The following PSTK variants were observed in gnomAD, a reference collection of about 807,000 sequenced individuals.
The protein encoded by PSTK is L-seryl-tRNA(Sec) kinase.
A neutral mutation model predicts 38.6 loss-of-function variants in PSTK; 26 were observed. That is an observed-to-expected ratio of 0.67 (90% CI 0.49 to 0.94). The LOEUF is 0.94. Ranked by LOEUF, PSTK falls within the 40% of genes least tolerant of loss-of-function variation. The pLI is 0.00. For synonymous variants in PSTK, 181 were observed against 161.7 expected (o/e 1.12, Z -0.91); for missense variants, 445 against 436.3 (o/e 1.02, Z -0.18).
intron 3 of PSTK, 31 bp downstream of exon 3, chr10:122,983,501 C>G: frequency 6.3e-7 from 1 of 1,578,946 alleles, no homozygotes; most frequent in Non-Finnish European, 8.7e-7. Context: ...TCCCTGGATG[C>G]TCCCCTGTGC....
rs1384490298 is a variant in PSTK at position 122,980,517 on chromosome 10, A to T, written c.38A>T (p.Asp13Val). 3 of 1,608,532 alleles carry T rather than the reference A, an allele frequency of 1.9e-6. No individual in the cohort carries two copies. The highest frequency in any genetic ancestry group is 2.5e-6 in the Non-Finnish European group (3 of 1,179,000). Residue 13 changes from aspartate (D) to valine (V), a missense_variant, in exon 1 of 6, where the codon GAC becomes GTC. By Grantham distance (152) the Asp-to-Val change is radical (BLOSUM62 -3). Transcript: ENST00000406217. This position sits in a 1 kb window ranked among gnomAD's most constrained non-coding sequence, Gnocchi z 4.3. ...GAGAACATCAGAGGAACCGGCAGCG[A>T]CGGGCCGCGGAAACGAGGCCTCTGC... ...TAENIRGTGS[D>V]GPRKRGLCVL...
In PSTK at chr10:122,982,913, T is replaced by C. The variant is rs1159797359; in HGVS notation, c.397T>C (p.Ser133Pro). Reference sequence around the variant, plus strand: ...ATTTTCTGCAGCATTTGAGGCCCAGTCTTGCTACCTCTTAACAAAAACTGC... The same window carrying C: ...ATTTTCTGCAGCATTTGAGGCCCAGCCTTGCTACCTCTTAACAAAAACTGC... ...LIFSAAFEAQ[S>P]CYLLTKTAVS... The change falls in exon 2 of 6, where the codon TCT (serine) becomes CCT (proline). Residue 133 changes from serine to proline, a missense_variant. Ser to Pro is a moderately conservative substitution (Grantham distance 74). Coordinates refer to ENST00000406217, the MANE Select transcript of PSTK (RefSeq NM_001363531.2). 3 of 1,614,122 alleles carry C rather than the reference T, an allele frequency of 1.9e-6. No homozygotes were observed. The African/African-American group carries it at 4.0e-5, about 22-fold the overall frequency.
rs773920068 is a variant in PSTK at position 122,980,610 on chromosome 10, A to G, written c.131A>G (p.Gln44Arg). ...CGCGCCCTCGCCCACCGGCTGCAGC[A>G]GGAGCAGGGTTGGGCCATCGGTGTT... ...FARALAHRLQ[Q>R]EQGWAIGVVA... Residue 44 changes from glutamine (Q) to arginine (R), a missense_variant, in exon 1 of 6, where the codon CAG becomes CGG. Gln to Arg is a conservative substitution (Grantham distance 43). Transcript: ENST00000406217. This position sits in a 1 kb window ranked among gnomAD's most constrained non-coding sequence, Gnocchi z 4.3. 6.2e-6 allele frequency: 10 copies of G among 1,612,088 alleles called. No homozygotes were observed. The South Asian group carries it at 8.8e-5, about 14-fold the overall frequency.
Position 122,982,997 on chromosome 10 carries a change from T to A in PSTK, c.481T>A (p.Tyr161Asn). The A allele has an allele frequency of 6.2e-7, 1 of 1,613,230 alleles. No individual in the cohort carries two copies. The highest frequency in any genetic ancestry group is 8.5e-7 in the Non-Finnish European group (1 of 1,179,374). Residue 161 changes from tyrosine to asparagine, a missense_variant, in exon 2 of 6, where the codon TAT (tyrosine) becomes AAT (asparagine). Physicochemically the swap from Tyr to Asn is moderately radical, Grantham distance 143 (BLOSUM62 -2). Coordinates refer to ENST00000406217, the MANE Select transcript of PSTK (RefSeq NM_001363531.2). ...DDNFYYQSMR[Y>N]EVYQLARKYS... is the part of the protein sequence containing the mutation. ...CAATTTTTATTATCAGAGTATGAGA[T>A]ATGAAGTCTACCAGCTGGCTCGGAA... is the stretch of plus-strand genomic sequence containing the variant.
chr10:122,989,657 A>G (rs1371516725), intron 5 of PSTK, among the ~76,000 whole-genome samples: 1 of 152,258 alleles, frequency 6.6e-6, no homozygotes, highest in African/African-American at 2.4e-5. Context: ...GGTAAACTGT[A>G]TGTGAATTAT....
chr10:122,983,081 A>G, intron 2 of PSTK, 57 bp downstream of exon 2: 1 of 1,441,922 alleles, frequency 6.9e-7, no homozygotes, highest in Non-Finnish European at 9.5e-7. Flanking sequence ...TATCAAAAAC[A>G]CTATTGTCTT....
At position 122,980,762 on chromosome 10, in the gene PSTK, A is replaced by C. The variant is rs1482105321; in HGVS notation, c.216+67A>C. 34 of 1,107,430 alleles carry C rather than the reference A, an allele frequency of 3.1e-5. No individual in the cohort carries two copies. Among genetic ancestry groups the C allele is most frequent in the Non-Finnish European group, 3.9e-5 (34 of 875,832 alleles). The allele number at this position is 1,107,430 out of a possible 1,614,324, so 68.6% of individuals were successfully genotyped here. A position where few individuals can be genotyped will look rare whatever the true frequency, so the allele number is the denominator to read the frequency against. On this transcript the variant is annotated intron_variant, in intron 1 of 5. Transcript: ENST00000406217. This position sits in a 1 kb window ranked among gnomAD's most constrained non-coding sequence, Gnocchi z 4.3. ...GGGCGGGGCGGGGCGGGGCGGGGAC[A>C]CTCGCGTCCACGCGGTCCTGGGTGA...
At chr10:122,986,211 A>T in intron 3 of PSTK, 89 bp from the exon 4 acceptor site, 1 of 697,030 alleles carries the variant, frequency 1.4e-6, no homozygotes, top group Non-Finnish European at 2.3e-6. Context: ...ACAGAGCAAG[A>T]CTCCAGGACT....
chr10:122,983,650 A>G (rs1848996866), intron 3 of PSTK, 180 bp downstream of exon 3: 3 of 597,030 alleles, frequency 5.0e-6, no homozygotes, highest in Non-Finnish European at 8.8e-6. Context: ...ATTTGAACCC[A>G]AGTTTATTTG....
chr10:122,980,516 G>A lies in PSTK; in HGVS notation c.37G>A (p.Asp13Asn), dbSNP rs373258080. Residue 13 changes from aspartate to asparagine, a missense_variant, in exon 1 of 6, where the codon GAC (aspartate) becomes AAC (asparagine). Transcript: ENST00000406217. The surrounding 1 kb of genome is among the most constrained non-coding windows in gnomAD (Gnocchi z 4.3). ...TAENIRGTGS[D>N]GPRKRGLCVL... is the part of the protein sequence containing the mutation. ...CGAGAACATCAGAGGAACCGGCAGC[G>A]ACGGGCCGCGGAAACGAGGCCTCTG... is the stretch of plus-strand genomic sequence containing the variant. 1.7e-5 allele frequency: 27 copies of A among 1,608,556 alleles called. No homozygotes were observed. Among genetic ancestry groups the A allele is most frequent in the Admixed American group, 5.0e-5 (3 of 59,884 alleles).
intron 5 of PSTK, among the ~76,000 whole-genome samples, chr10:122,988,620 A>G (rs1849067369): frequency 6.6e-6 from 1 of 152,232 alleles, no homozygotes; most frequent in Non-Finnish European, 1.5e-5. Context: ...TAAAAGGGCA[A>G]AGGATCTGAG....
At chr10:122,986,462 A>G (rs201460370) in intron 4 of PSTK, 87 bp downstream of exon 4, 41 of 962,816 alleles carry the variant, frequency 4.3e-5, no homozygotes, top group Non-Finnish European at 6.3e-5. Context: ...AATGTGAGTG[A>G]AACGGGAGAT....
rs1564728985 is a variant in PSTK, at chr10:122,980,450, TCC to T, written c.-28_-27del. ...GCAGACGGTAGAGCGGAGACGACGC[TCC>T]CAGACTCCTCCGGTCTCCCCGGGCA... is the stretch of plus-strand genomic sequence containing the variant. On this transcript the variant is annotated 5_prime_UTR_variant, in exon 1 of 6. Coordinates refer to ENST00000406217, the MANE Select transcript of PSTK (RefSeq NM_001363531.2). The surrounding 1 kb of genome is among the most constrained non-coding windows in gnomAD (Gnocchi z 4.3). 1 of 1,560,762 alleles carries T rather than the reference TCC, an allele frequency of 6.4e-7. No homozygotes were observed. Among genetic ancestry groups the T allele is most frequent in the Non-Finnish European group, 8.6e-7 (1 of 1,157,066 alleles).
chr10:122,987,416 A>G (rs1564731685), intron 5 of PSTK: 1 of 1,614,220 alleles, frequency 6.2e-7, no homozygotes, highest in African/African-American at 1.3e-5. Context: ...GGATCATTCT[A>G]GGCAATGAAC....
In PSTK at chr10:122,983,413, A is replaced by G. The variant is rs772441222; in HGVS notation, c.650A>G (p.Asn217Ser). The G allele has an allele frequency of 1.4e-5, 23 of 1,613,998 alleles. No homozygotes were observed. Among genetic ancestry groups the G allele is most frequent in the Non-Finnish European group, 1.9e-5 (23 of 1,180,056 alleles). Residue 217 changes from asparagine (N) to serine (S), a missense_variant, in exon 3 of 6, where the codon AAT becomes AGT. Asn to Ser is a conservative substitution (Grantham distance 46). Transcript: ENST00000406217. ...CTAGAAAAGCCCAACCCTGAGAAAA[A>G]TGCTTGGGAACACAACAGCCTCACA... is the stretch of plus-strand genomic sequence containing the variant. Reference protein sequence around the residue: ...RKLEKPNPEKNAWEHNSLTIP... With the variant: ...RKLEKPNPEKSAWEHNSLTIP...
intron 4 of PSTK, 138 bp downstream of exon 4, chr10:122,986,513 G>A: frequency 1.5e-6 from 1 of 685,696 alleles, no homozygotes; most frequent in Non-Finnish European, 2.6e-6. Flanking sequence ...ACTCACTGCT[G>A]ACAGCTCATG....
chr10:122,980,475 G>A lies in PSTK; in HGVS notation c.-5G>A. On this transcript the variant is annotated 5_prime_UTR_variant, in exon 1 of 6. Transcript: ENST00000406217. The surrounding 1 kb of genome is among the most constrained non-coding windows in gnomAD (Gnocchi z 4.3). ...TCCCAGACTCCTCCGGTCTCCCCGG[G>A]CAGCATGAAGACCGCCGAGAACATC... The A allele has an allele frequency of 6.3e-7, 1 of 1,593,652 alleles. No individual in the cohort carries two copies. The highest frequency in any genetic ancestry group is 8.5e-7 in the Non-Finnish European group (1 of 1,173,928).
rs967207512 is a variant in PSTK at position 122,980,916 on chromosome 10, C to G, written c.216+221C>G. ...GTGGTTACAAAGCCAACTGTTAGAACGATGCATTTTAGATGCTTATCTGTA... is the reference window on the plus strand; with the variant it reads ...GTGGTTACAAAGCCAACTGTTAGAAGGATGCATTTTAGATGCTTATCTGTA... On this transcript the variant is annotated intron_variant, in intron 1 of 5. Coordinates refer to ENST00000406217, the MANE Select transcript of PSTK (RefSeq NM_001363531.2). This position sits in a 1 kb window ranked among gnomAD's most constrained non-coding sequence, Gnocchi z 4.3. 1 of 611,302 alleles carries G rather than the reference C, an allele frequency of 1.6e-6. No homozygotes were observed. The highest frequency in any genetic ancestry group is 2.0e-5 in the African/African-American group (1 of 49,978). The allele number at this position is 611,302 out of a possible 1,614,324, so 37.9% of individuals were successfully genotyped here. A position where few individuals can be genotyped will look rare whatever the true frequency, so the allele number is the denominator to read the frequency against.
At chr10:122,981,037 G>A (rs906599645) in intron 1 of PSTK, among the ~76,000 whole-genome samples, 5 of 152,250 alleles carry the variant, frequency 3.3e-5, no homozygotes, top group Admixed American at 1.3e-4. Context: ...AGCCCCTATA[G>A]TCAAATGCAC....
Sources: allele counts gnomAD v4.1 joint callset (sites outside exome capture counted in the v4.1 genomes callset), GRCh38; gene constraint gnomAD v4.1.1; non-coding constraint Gnocchi (gnomAD v3.1); transcripts MANE v1.5; gene names NCBI Gene and HGNC (gene_info 2026-07-23, HGNC 2026-07-21).